The following TXLNA variants were observed in gnomAD, a reference collection of about 807,000 sequenced individuals.
TXLNA encodes alpha-taxilin.
A neutral mutation model predicts 61.4 loss-of-function variants in TXLNA; 9 were observed. The ratio of observed to expected loss-of-function variants is 0.15; its 90% CI spans 0.09 to 0.26. The LOEUF (loss-of-function observed/expected upper bound fraction) is 0.26, where lower values mean the gene tolerates loss of function less well. TXLNA is among the 10% of genes least tolerant of loss of function. The pLI is 1.00. For synonymous variants in TXLNA, 257 were observed against 267.7 expected (o/e 0.96, Z 0.39); for missense variants, 565 against 688.8 (o/e 0.82, Z 2.01).
At chr1:32,181,628 C>T (rs1363591660) in intron 3 of TXLNA, 51 bp downstream of exon 3, 2 of 1,434,578 alleles carry the variant, frequency 1.4e-6, no homozygotes, top group South Asian at 1.4e-5. Context: ...GGAGTTTGGA[C>T]TTGACGTTCT....
At chr1:32,187,805 G>C in intron 4 of TXLNA, 149 bp from the exon 5 acceptor site, 1 of 778,660 alleles carries the variant, frequency 1.3e-6, no homozygotes, top group Non-Finnish European at 2.0e-6. Flanking sequence ...GAGCGTGTAA[G>C]CACCGGCACA....
chr1:32,192,551 C>G lies in TXLNA; in HGVS notation c.1084-106C>G. 2 of 1,587,228 alleles carry G rather than the reference C, an allele frequency of 1.3e-6. No homozygotes were observed. The highest frequency in any genetic ancestry group is 1.7e-6 in the Non-Finnish European group (2 of 1,159,666). ...AGACCAGGCACAGATTCCTTGAGTA[C>G]CAGTCTGAGAGCAGGAAGCCTCAGT... is the stretch of plus-strand genomic sequence containing the variant. On this transcript the variant is annotated intron_variant, in intron 7 of 10. Transcript: ENST00000373610. The surrounding 1 kb of genome is among the most constrained non-coding windows in gnomAD (Gnocchi z 4.2).
At position 32,198,267 on chromosome 1, in the gene TXLNA, TAA is replaced by T. The variant is rs1013900439; in HGVS notation, c.*3074_*3075del. ...TTGATGTATTTTAAACCACATTAAA[TAA>T]AGAGTCTGTTGCCTTACTTGTTTCT... On this transcript the variant is annotated 3_prime_UTR_variant, in exon 11 of 11. Transcript: ENST00000373610. 1.2e-4 allele frequency: 19 copies of T among 152,270 alleles called. No individual in the cohort carries two copies. The highest frequency in any genetic ancestry group is 1.2e-3 in the Admixed American group (19 of 15,292). 9.4% of individuals were successfully genotyped at this position (152,270 alleles called of 1,614,324 possible).
chr1:32,189,379 C>G (rs981514561), intron 5 of TXLNA, among the ~76,000 whole-genome samples: 1 of 152,102 alleles, frequency 6.6e-6, no homozygotes, highest in African/African-American at 2.4e-5. Flanking sequence ...ACTTTGCAAA[C>G]CCTGGGTGTT....
chr1:32,189,418 G>T (rs1642857533), intron 5 of TXLNA, among the ~76,000 whole-genome samples: 1 of 152,128 alleles, frequency 6.6e-6, no homozygotes, highest in African/African-American at 2.4e-5. Flanking sequence ...GGTCTCTGGG[G>T]GTACAGAGGG....
rs1642944541 is a variant in TXLNA, at chr1:32,193,220, A to G, written c.1171A>G (p.Thr391Ala). 4 of 1,613,512 alleles carry G rather than the reference A, an allele frequency of 2.5e-6. No individual in the cohort carries two copies. The highest frequency in any genetic ancestry group is 2.2e-5 in the East Asian group (1 of 44,868). ...TTTCTCCCCACAGCTTGCCCTATAC[A>G]CAGAGAAGTTTGAGGAGTTCCAGAA... The part of the protein sequence containing the change: ...THLKQQLALY[T>A]EKFEEFQNTL... The change falls in exon 9 of 11, where the codon ACA (threonine) becomes GCA (alanine). Residue 391 changes from threonine to alanine, a missense_variant. Physicochemically the swap from Thr to Ala is moderately conservative, Grantham distance 58. Coordinates refer to ENST00000373610, the MANE Select transcript of TXLNA (RefSeq NM_175852.4).
At chr1:32,189,904 T>C (rs563760545) in intron 5 of TXLNA, 151 bp from the exon 6 acceptor site, 6 of 745,200 alleles carry the variant, frequency 8.1e-6, no homozygotes, top group East Asian at 5.5e-5. Context: ...GAGGGGCCCA[T>C]TGGAACCCGC....
chr1:32,182,795 G>A (rs1642695539), intron 3 of TXLNA, among the ~76,000 whole-genome samples: 1 of 150,814 alleles, frequency 6.6e-6, no homozygotes, highest in Non-Finnish European at 1.5e-5. Flanking sequence ...CGACTAGGCA[G>A]AGTGGCTCAC....
chr1:32,184,496 G>A (rs1294218368), intron 3 of TXLNA, 29 bp from the exon 4 acceptor site: 2 of 1,490,678 alleles, frequency 1.3e-6, no homozygotes, highest in Admixed American at 1.7e-5. Flanking sequence ...GGAGAAGAGG[G>A]TGCATGTCTT....
rs543089680 is a variant in TXLNA, at chr1:32,188,520, C to T, written c.768+396C>T. Among the ~76,000 whole-genome samples the T allele has an allele frequency of 3.8e-4, 58 of 152,166 alleles. 1 individual carries two copies. The South Asian group carries it at 0.011, about 28-fold the overall frequency. ...GAGTGTGCTGGCAAATGCCTATAAT[C>T]CCAGCTACTCAGGTGGCTCAGGCAT... On this transcript the variant is annotated intron_variant, in intron 5 of 10. Coordinates refer to ENST00000373610, the MANE Select transcript of TXLNA (RefSeq NM_175852.4).
At chr1:32,194,359 T>C (rs963371985) in intron 10 of TXLNA, among the ~76,000 whole-genome samples, 199 bp downstream of exon 10, 40 of 151,274 alleles carry the variant, frequency 2.6e-4, no homozygotes, top group African/African-American at 9.5e-4. Context: ...CCAGTGGGAG[T>C]GAAGGGAGCA....
chr1:32,195,751 C>G lies in TXLNA; in HGVS notation c.*556C>G, dbSNP rs918585735. On this transcript the variant is annotated 3_prime_UTR_variant, in exon 11 of 11. Transcript: ENST00000373610. ...GCAGGGCGCTCAGAGCTGGGGATTT[C>G]CTGCCTGGAACAAGGGACCTGGAGA... 1 of 456,196 alleles carries G rather than the reference C, an allele frequency of 2.2e-6. No individual in the cohort carries two copies. The highest frequency in any genetic ancestry group is 4.4e-6 in the Non-Finnish European group (1 of 227,002). The allele number at this position is 456,196 out of a possible 1,614,324, so 28.3% of individuals were successfully genotyped here.
At chr1:32,193,965 A>C in intron 9 of TXLNA, 100 bp from the exon 10 acceptor site, 1 of 929,332 alleles carries the variant, frequency 1.1e-6, no homozygotes, top group Non-Finnish European at 1.7e-6. Flanking sequence ...GGGATCAATC[A>C]TTCCCCACCT....
intron 4 of TXLNA, among the ~76,000 whole-genome samples, chr1:32,186,441 T>G (rs1309597581): frequency 6.6e-6 from 1 of 152,294 alleles, no homozygotes; most frequent in Non-Finnish European, 1.5e-5. Flanking sequence ...ATGCATTGTA[T>G]TGGGATTGCT....
chr1:32,193,871 G>T (rs1291098963), intron 9 of TXLNA, among the ~76,000 whole-genome samples, 194 bp from the exon 10 acceptor site: 1 of 152,098 alleles, frequency 6.6e-6, no homozygotes, highest in African/African-American at 2.4e-5. Flanking sequence ...ACCATTCCTT[G>T]TTATTGGTGG....
Position 32,196,251 on chromosome 1 carries a change from A to G in TXLNA, c.*1056A>G, listed in dbSNP as rs1239150691. On this transcript the variant is annotated 3_prime_UTR_variant, in exon 11 of 11. Transcript: ENST00000373610. ...GTTTCAGTCCTGAGAGGCCACCACC[A>G]GTTCCCATCAGCACTGTCTCCATGC... 6.5e-6 allele frequency: 1 copy of G among 152,980 alleles called. No homozygotes were observed. Among genetic ancestry groups the G allele is most frequent in the African/African-American group, 2.4e-5 (1 of 41,450 alleles). The allele number at this position is 152,980 out of a possible 1,614,324, so 9.5% of individuals were successfully genotyped here. A position where few individuals can be genotyped will look rare whatever the true frequency, so the allele number is the denominator to read the frequency against.
intron 6 of TXLNA, among the ~76,000 whole-genome samples, chr1:32,191,093 C>CAAAAAAAAAAA (rs1159645218): frequency 1.7e-5 from 1 of 58,670 alleles, no homozygotes; most frequent in African/African-American, 6.5e-5. Flanking sequence ...GACTCCATCT[C>CAAAAAAAAAAA]AAAAAAAAAA....
rs1237934139 is a variant in TXLNA at position 32,195,696 on chromosome 1, C to T, written c.*501C>T. ...TGGAGGCTCCTTTGATTCTCTAGAC[C>T]TGGAAAAGGTGTCCCTAGGCAGAGC... On this transcript the variant is annotated 3_prime_UTR_variant, in exon 11 of 11. Transcript: ENST00000373610. 2.2e-6 allele frequency: 1 copy of T among 456,454 alleles called. No individual in the cohort carries two copies. Among genetic ancestry groups the T allele is most frequent in the Non-Finnish European group, 4.4e-6 (1 of 227,234 alleles). 28.3% of individuals were successfully genotyped at this position (456,454 alleles called of 1,614,324 possible). A position where few individuals can be genotyped will look rare whatever the true frequency, so the allele number is the denominator to read the frequency against.
At chr1:32,194,256 C>A in intron 10 of TXLNA, 96 bp downstream of exon 10, 5 of 988,610 alleles carry the variant, frequency 5.1e-6, no homozygotes, top group Non-Finnish European at 6.2e-6. Context: ...ACACAGCTAG[C>A]ATGAGGTAGA....
Sources: allele counts gnomAD v4.1 joint callset (sites outside exome capture counted in the v4.1 genomes callset), GRCh38; gene constraint gnomAD v4.1.1; non-coding constraint Gnocchi (gnomAD v3.1); transcripts MANE v1.5; gene names NCBI Gene and HGNC (gene_info 2026-07-23, HGNC 2026-07-21).